TMEM116: variants seen among roughly 807,000 people sequenced by gnomAD.
TMEM116 encodes the protein transmembrane protein 116.
Under a neutral mutation model 44.3 loss-of-function variants are expected in TMEM116, and 38 were observed. The observed-to-expected ratio is 0.86, with a 90% CI of 0.66 to 1.12. The LOEUF is 1.12. TMEM116 is among the 50% of genes most tolerant of loss of function. TMEM116 has a pLI of 0.00. For synonymous variants in TMEM116, 132 were observed against 144.8 expected, an observed-to-expected ratio of 0.91 and a Z score of 0.64; for missense variants, 354 against 401.7, an observed-to-expected ratio of 0.88 and a Z score of 1.01.
At chr12:111,936,960 CCA>C (rs1177890089) in intron 7 of TMEM116, 130 bp from the exon 8 acceptor site, 1 of 1,068,478 alleles carries the variant, frequency 9.4e-7, no homozygotes, top group Non-Finnish European at 1.3e-6. Context: ...TGTCTCTCCC[CCA>C]CAGACACATT....
chr12:111,993,199 G>A (rs1251253855), intron 3 of TMEM116: 2 of 379,586 alleles, frequency 5.3e-6, no homozygotes, highest in Non-Finnish European at 1.1e-5. Context: ...TGTGGCTCTC[G>A]TGGGGTCTTA....
At chr12:112,007,139 G>GT in intron 1 of TMEM116, among the ~76,000 whole-genome samples, 7 of 152,216 alleles carry the variant, frequency 4.6e-5, no homozygotes, top group African/African-American at 1.7e-4. Context: ...AACACGGCCA[G>GT]TGTGCTGGCC....
At chr12:112,008,566 T>C (rs2077693467) in intron 1 of TMEM116, among the ~76,000 whole-genome samples, 1 of 152,158 alleles carries the variant, frequency 6.6e-6, no homozygotes, top group African/African-American at 2.4e-5. Flanking sequence ...CAATTCAAGT[T>C]AACACATATT....
chr12:111,942,745 C>A (rs1373819737), intron 5 of TMEM116, among the ~76,000 whole-genome samples: 1 of 151,846 alleles, frequency 6.6e-6, no homozygotes, highest in Non-Finnish European at 1.5e-5. Flanking sequence ...AAATAATACT[C>A]CTATAATCAA....
chr12:111,954,440 T>A (rs1301262857), intron 4 of TMEM116, among the ~76,000 whole-genome samples: 1 of 152,198 alleles, frequency 6.6e-6, no homozygotes, highest in Non-Finnish European at 1.5e-5. Flanking sequence ...CTATATTACC[T>A]TGAAAAATAA....
intron 4 of TMEM116, among the ~76,000 whole-genome samples, chr12:111,991,235 A>G (rs887693995): frequency 1.3e-5 from 2 of 148,300 alleles, no homozygotes; most frequent in Admixed American, 1.3e-4. Flanking sequence ...AAAAAAAAAA[A>G]AAAACGGCTG....
intron 5 of TMEM116, among the ~76,000 whole-genome samples, chr12:111,938,443 A>G (rs2072359804): frequency 6.6e-6 from 1 of 152,190 alleles, no homozygotes; most frequent in Non-Finnish European, 1.5e-5. Context: ...AACAACAACA[A>G]CAAAGCCACA....
Position 111,937,998 on chromosome 12 carries a change from G to A in TMEM116, c.365+163C>T, listed in dbSNP as rs77716999. 2,830 of 435,622 alleles carry A rather than the reference G, an allele frequency of 6.5e-3. 82 individuals are homozygous for A. Among genetic ancestry groups the A allele is most frequent in the African/African-American group, 0.053 (2,552 of 48,452 alleles). The allele number at this position is 435,622 out of a possible 1,614,324, so 27.0% of individuals were successfully genotyped here. On this transcript the variant is annotated intron_variant, in intron 6 of 10. Transcript: ENST00000552374. ...ATCAAGCTACTTCCCTATTCAATGT[G>A]GAAAAATGGAAGCAATGAACACGTA...
At chr12:112,006,755 G>T (rs1026453799) in intron 1 of TMEM116, among the ~76,000 whole-genome samples, 15 of 152,160 alleles carry the variant, frequency 9.9e-5, no homozygotes, top group African/African-American at 3.6e-4. Flanking sequence ...ATAAAATTTG[G>T]ACAGACTGGA....
At chr12:112,004,571 G>T (rs1199135692) in intron 2 of TMEM116, among the ~76,000 whole-genome samples, 1 of 152,102 alleles carries the variant, frequency 6.6e-6, no homozygotes, top group Non-Finnish European at 1.5e-5. Context: ...ACAGGCATGG[G>T]CCACCATATC....
At chr12:111,956,649 G>A (rs2074107914) in intron 4 of TMEM116, among the ~76,000 whole-genome samples, 1 of 152,182 alleles carries the variant, frequency 6.6e-6, no homozygotes, top group Admixed American at 6.5e-5. Context: ...GAGTGCCTGG[G>A]ACTGCAGGTG....
chr12:111,967,570 T>C (rs887154324), intron 4 of TMEM116, among the ~76,000 whole-genome samples: 21 of 152,048 alleles, frequency 1.4e-4, no homozygotes, highest in Admixed American at 7.9e-4. Context: ...TCCCTGAATA[T>C]CCAAAAGTTG....
chr12:111,938,301 A>G, intron 5 of TMEM116, 91 bp from the exon 6 acceptor site: 3 of 985,090 alleles, frequency 3.0e-6, no homozygotes, highest in Non-Finnish European at 4.3e-6. Context: ...TCAATAGAAC[A>G]AAAAGATTTC....
At chr12:112,009,033 A>C (rs1342460229) in intron 1 of TMEM116, among the ~76,000 whole-genome samples, 1 of 152,194 alleles carries the variant, frequency 6.6e-6, no homozygotes, top group Non-Finnish European at 1.5e-5. Flanking sequence ...AGTGCTTTTG[A>C]ATTGTATCTT....
At chr12:111,998,636 T>C (rs2077056324) in intron 3 of TMEM116, among the ~76,000 whole-genome samples, 1 of 152,120 alleles carries the variant, frequency 6.6e-6, no homozygotes, top group Non-Finnish European at 1.5e-5. Context: ...CTGACCAATA[T>C]GGTGAAACCC....
chr12:111,960,175 T>A (rs2136378667), intron 4 of TMEM116, among the ~76,000 whole-genome samples: 1 of 152,086 alleles, frequency 6.6e-6, no homozygotes, highest in South Asian at 2.1e-4. Flanking sequence ...GCAATCAAAT[T>A]AGAACTCAGG....
At chr12:111,987,528 G>A (rs1593550163) in intron 4 of TMEM116, among the ~76,000 whole-genome samples, 1 of 151,584 alleles carries the variant, frequency 6.6e-6, no homozygotes, top group East Asian at 1.9e-4. Context: ...AAAAAAAGGG[G>A]GAAAGGACTT....
At chr12:112,012,292 T>G (rs906432783) in intron 1 of TMEM116, 18 of 152,144 alleles carry the variant, frequency 1.2e-4, no homozygotes, top group Admixed American at 4.6e-4. Flanking sequence ...ATACGGTCTT[T>G]TTTTTTCTTT....
chr12:112,013,008 T>C lies in TMEM116; in HGVS notation c.-40A>G, dbSNP rs767411042. 4.4e-5 allele frequency: 7 copies of C among 158,940 alleles called. No individual in the cohort carries two copies. Among genetic ancestry groups the C allele is most frequent in the Non-Finnish European group, 7.1e-5 (5 of 70,878 alleles). 9.8% of individuals were successfully genotyped at this position (158,940 alleles called of 1,614,324 possible). A position where few individuals can be genotyped will look rare whatever the true frequency, so the allele number is the denominator to read the frequency against. On this transcript the variant is annotated 5_prime_UTR_variant, in exon 1 of 11. Coordinates refer to ENST00000552374, the MANE Select transcript of TMEM116 (RefSeq NM_001193531.2). The stretch of plus-strand genomic sequence containing the variant: ...ACTTGACTAATAGACTGACCGAGGG[T>C]TGGAGCGGGTCCCAACCAACTGCCT...
Sources: gnomAD v4.1 joint callset for allele counts (sites outside exome capture counted in the v4.1 genomes callset) on GRCh38, gnomAD v4.1.1 for gene constraint, MANE v1.5 for transcripts, NCBI Gene and HGNC (gene_info 2026-07-23, HGNC 2026-07-21) for gene names.